SH3BP1: variants seen among roughly 807,000 people sequenced by gnomAD.
SH3BP1 encodes the protein SH3 domain binding protein 1.
Under a neutral mutation model 69.8 loss-of-function variants are expected in SH3BP1, and 46 were observed. That is an observed-to-expected ratio of 0.66 (90% CI 0.52 to 0.84). SH3BP1 has a LOEUF of 0.84. Among genes scored for constraint, SH3BP1 ranks in the 40% least tolerant of loss-of-function variants. The pLI is 0.00. For missense variants in SH3BP1, 868 were observed against 930.9 expected, an observed-to-expected ratio of 0.93 and a Z score of 0.88; for synonymous variants, 403 against 378.0, an observed-to-expected ratio of 1.07 and a Z score of -0.77.
rs767114617 is a variant in SH3BP1 at position 37,643,118 on chromosome 22, C to G, written c.417C>G (p.Leu139=). ...RLSEEELPAI[L]KHKKSLQKLV... ...CCCAGGAGGAGCTGCCAGCCATCCTCAAACACAAGAAAAGCCTCCAGAAGC... is the reference window on the plus strand; with the variant it reads ...CCCAGGAGGAGCTGCCAGCCATCCTGAAACACAAGAAAAGCCTCCAGAAGC... Residue 139 remains leucine (L), a synonymous_variant, in exon 6 of 18, where the codon CTC becomes CTG. Transcript: ENST00000649765. The G allele has an allele frequency of 2.6e-5, 42 of 1,611,772 alleles. 2 individuals are homozygous for G. The South Asian group carries it at 4.6e-4, about 18-fold the overall frequency.
At chr22:37,649,619 A>G (rs1932841553) in intron 14 of SH3BP1, among the ~76,000 whole-genome samples, 1 of 152,150 alleles carries the variant, frequency 6.6e-6, no homozygotes, top group African/African-American at 2.4e-5. Flanking sequence ...CTCCGTCTCT[A>G]CTAAAAATAC....
chr22:37,652,916 A>G (rs889450384), intron 16 of SH3BP1, among the ~76,000 whole-genome samples: 1 of 151,430 alleles, frequency 6.6e-6, no homozygotes, highest in East Asian at 1.9e-4. Context: ...CAGGTGGATC[A>G]CTTGAAGTCA....
chr22:37,652,689 G>A lies in SH3BP1; in HGVS notation c.1599-1090G>A, dbSNP rs201827067. Among the ~76,000 whole-genome samples, 16 of 150,166 alleles carry A rather than the reference G, an allele frequency of 1.1e-4. No homozygotes were observed. The East Asian group carries it at 2.4e-3, about 22-fold the overall frequency. On this transcript the variant is annotated intron_variant, in intron 16 of 17. Transcript: ENST00000649765. ...AAATGCAAAAAATTAGCCAGGCATG[G>A]TAGTGCGCACCTGTAATCCCAGCTA...
chr22:37,644,448 C>T (rs1211466319), intron 7 of SH3BP1, among the ~76,000 whole-genome samples, 189 bp from the exon 8 acceptor site: 4 of 152,228 alleles, frequency 2.6e-5, no homozygotes, highest in Non-Finnish European at 5.9e-5. Context: ...GACGAGAAGC[C>T]AGAAAAGTTT....
chr22:37,641,616 C>T (rs1932602414), intron 3 of SH3BP1, 138 bp downstream of exon 3: 2 of 700,038 alleles, frequency 2.9e-6, no homozygotes, highest in Non-Finnish European at 2.4e-6. Context: ...TTCCAAGGCC[C>T]CTCTGGCACT....
rs942740799 is a variant in SH3BP1 at position 37,641,154 on chromosome 22, G to C, written c.88G>C (p.Glu30Gln). The change falls in exon 2 of 18, where the codon GAG (glutamate) becomes CAG (glutamine). Residue 30 changes from glutamate to glutamine, a missense_variant. By Grantham distance (29) the Glu-to-Gln change is conservative. Transcript: ENST00000649765. ...CCCGGAGACCGCTGAGTTCCTGGGT[G>C]AGGACCTGCTGCAGGTACGTGCCTG... ...RTPETAEFLGEDLLQVEQRLE... is the reference protein window; with the variant it reads ...RTPETAEFLGQDLLQVEQRLE... 1 of 1,548,202 alleles carries C rather than the reference G, an allele frequency of 6.5e-7. No homozygotes were observed. Among genetic ancestry groups the C allele is most frequent in the Non-Finnish European group, 8.7e-7 (1 of 1,145,772 alleles).
In SH3BP1 at chr22:37,655,978, T is replaced by G; in HGVS notation, c.*294T>G. 1 of 1,529,368 alleles carries G rather than the reference T, an allele frequency of 6.5e-7. No individual in the cohort carries two copies. Among genetic ancestry groups the G allele is most frequent in the Non-Finnish European group, 8.8e-7 (1 of 1,136,102 alleles). 94.7% of individuals were successfully genotyped at this position (1,529,368 alleles called of 1,614,324 possible). A position where few individuals can be genotyped will look rare whatever the true frequency, so the allele number is the denominator to read the frequency against. ...AGAGGTTTGCCTGCTCCTACGGGAC[T>G]GATTCTTCTCTTGCCGACATGTTTT... On this transcript the variant is annotated 3_prime_UTR_variant, in exon 18 of 18. Transcript: ENST00000649765.
At chr22:37,648,500 T>C in intron 14 of SH3BP1, 65 bp downstream of exon 14, 3 of 1,139,064 alleles carry the variant, frequency 2.6e-6, no homozygotes, top group Non-Finnish European at 3.9e-6. Context: ...CTATCTGTTG[T>C]CTATTTTTCC....
intron 17 of SH3BP1, among the ~76,000 whole-genome samples, chr22:37,654,907 C>G (rs374985496): frequency 6.6e-6 from 1 of 152,296 alleles, no homozygotes; most frequent in Non-Finnish European, 1.5e-5. Flanking sequence ...CCCTGGAGTT[C>G]AAGACCAGCC....
chr22:37,643,621 G>T, intron 6 of SH3BP1, 23 bp from the exon 7 acceptor site: 1 of 1,614,034 alleles, frequency 6.2e-7, no homozygotes, highest in Non-Finnish European at 8.5e-7. Flanking sequence ...CAGGTGACCA[G>T]CTCACCTTGG....
chr22:37,639,932 A>AGAGGGGGGGGGGGGT, intron 1 of SH3BP1, 86 bp downstream of exon 1: 3 of 600,116 alleles, frequency 5.0e-6, no homozygotes, highest in Non-Finnish European at 8.4e-6. Flanking sequence ...GGGGTGGGGG[A>AGAGGGGGGGGGGGGT]GGCTGGGGAC....
chr22:37,641,786 G>C, intron 3 of SH3BP1: 1 of 341,660 alleles, frequency 2.9e-6, no homozygotes, highest in Admixed American at 4.5e-5. Flanking sequence ...AGGGTTTCCT[G>C]AAGGAGGTAG....
chr22:37,645,284 G>A lies in SH3BP1; in HGVS notation c.779-81G>A, dbSNP rs1483220275. On this transcript the variant is annotated intron_variant, in intron 9 of 17. Transcript: ENST00000649765. ...AGTCAGTGGCAGGTGGTACCACCTT[G>A]AGGACATGAAGGGGGGGTGCCCCTG... 4.0e-6 allele frequency: 6 copies of A among 1,512,186 alleles called. No homozygotes were observed. The Admixed American group carries it at 1.1e-4, about 29-fold the overall frequency. The allele number at this position is 1,512,186 out of a possible 1,614,324, so 93.7% of individuals were successfully genotyped here. A position where few individuals can be genotyped will look rare whatever the true frequency, so the allele number is the denominator to read the frequency against.
In SH3BP1 at chr22:37,643,088, C is replaced by T. The variant is rs759445477; in HGVS notation, c.397-10C>T. 1.1e-5 allele frequency: 18 copies of T among 1,610,706 alleles called. No homozygotes were observed. Among genetic ancestry groups the T allele is most frequent in the Admixed American group, 1.0e-4 (6 of 59,630 alleles). ...CCCCAGCACACTGACCCCCCCATGCCCATCCCCAGGAGGAGCTGCCAGCCA... is the reference window on the plus strand; with the variant it reads ...CCCCAGCACACTGACCCCCCCATGCTCATCCCCAGGAGGAGCTGCCAGCCA... On this transcript the variant is annotated splice_polypyrimidine_tract_variant and intron_variant, in intron 5 of 17. Coordinates refer to ENST00000649765, the MANE Select transcript of SH3BP1 (RefSeq NM_018957.6).
chr22:37,646,960 G>T, intron 11 of SH3BP1, 31 bp downstream of exon 11: 1 of 1,430,358 alleles, frequency 7.0e-7, no homozygotes, highest in Non-Finnish European at 9.3e-7. Context: ...TGGGCAGGAG[G>T]TTGGGGGGGA....
At chr22:37,644,791 G>T (rs1932753242) in intron 8 of SH3BP1, 79 bp from the exon 9 acceptor site, 5 of 1,603,050 alleles carry the variant, frequency 3.1e-6, no homozygotes, top group Non-Finnish European at 2.6e-6. Context: ...AGATGGTGGA[G>T]GGGGCGTCTG....
At chr22:37,653,139 CAAT>C (rs1932916745) in intron 16 of SH3BP1, among the ~76,000 whole-genome samples, 1 of 144,380 alleles carries the variant, frequency 6.9e-6, no homozygotes, top group Non-Finnish European at 1.5e-5. Context: ...TTCTCAACAA[CAAT>C]AACAAAAAAA....
intron 6 of SH3BP1, 55 bp downstream of exon 6, chr22:37,643,229 T>C: frequency 6.7e-7 from 1 of 1,482,346 alleles, no homozygotes; most frequent in Non-Finnish European, 9.3e-7. Context: ...ACAGAGATGG[T>C]CATAGAGCTT....
At position 37,643,017 on chromosome 22, in the gene SH3BP1, GC is replaced by G. The variant is rs1301638716; in HGVS notation, c.396+14del. On this transcript the variant is annotated intron_variant, in intron 5 of 17. Coordinates refer to ENST00000649765, the MANE Select transcript of SH3BP1 (RefSeq NM_018957.6). ...AGCAGGCTGAGTGAGGTGAGCCTGT[GC>G]CCTGCTTTCAGCCCCCAGCTTCCCC... The G allele has an allele frequency of 2.5e-6, 4 of 1,611,358 alleles. No individual in the cohort carries two copies. The highest frequency in any genetic ancestry group is 3.4e-6 in the Non-Finnish European group (4 of 1,178,530).
Sources: allele counts gnomAD v4.1 joint callset (sites outside exome capture counted in the v4.1 genomes callset), GRCh38; gene constraint gnomAD v4.1.1; transcripts MANE v1.5; gene names NCBI Gene and HGNC (gene_info 2026-07-23, HGNC 2026-07-21).